Variants in SLC15A4 observed in about 807,000 individuals in gnomAD.
The protein encoded by SLC15A4 is solute carrier family 15 member 4, also known as hPHT1.
SLC15A4 carries 26 observed loss-of-function variants against 46.1 expected under a neutral mutation model. The ratio of observed to expected loss-of-function variants is 0.56; its 90% CI spans 0.41 to 0.78. The LOEUF (loss-of-function observed/expected upper bound fraction) is 0.78, where lower values mean the gene tolerates loss of function less well. SLC15A4 is among the 30% of genes least tolerant of loss of function. The probability of loss-of-function intolerance (pLI) is 0.00; values close to 1 mark genes in which losing one functional copy is unlikely to be tolerated. For missense variants in SLC15A4, 751 were observed against 755.7 expected, an observed-to-expected ratio of 0.99 and a Z score of 0.07; for synonymous variants, 370 against 333.4, an observed-to-expected ratio of 1.11 and a Z score of -1.20.
intron 1 of SLC15A4, 68 bp downstream of exon 1, chr12:128,823,330 A>G (rs1955876888): frequency 3.1e-6 from 4 of 1,299,502 alleles, no homozygotes; most frequent in Non-Finnish European, 3.9e-6. Context: ...GGACTGGGGC[A>G]GGGGAAGAGG....
intron 4 of SLC15A4, 134 bp downstream of exon 4, chr12:128,809,262 A>T (rs1277253311): frequency 3.0e-6 from 2 of 657,074 alleles, no homozygotes; most frequent in Non-Finnish European, 5.1e-6. Context: ...AAAATAAGTA[A>T]AAACTCTATT....
At chr12:128,815,760 A>C (rs1233436649) in intron 1 of SLC15A4, 1 of 152,532 alleles carries the variant, frequency 6.6e-6, no homozygotes, top group Non-Finnish European at 1.5e-5. Flanking sequence ...TCTGGGGCCC[A>C]GGCCCAGGAA....
At chr12:128,816,714 C>T (rs1214321795) in intron 1 of SLC15A4, among the ~76,000 whole-genome samples, 1 of 152,076 alleles carries the variant, frequency 6.6e-6, no homozygotes, top group Non-Finnish European at 1.5e-5. Context: ...CGCCTACAGT[C>T]CCAGCTACCT....
chr12:128,819,103 TCTATACATAAAAAATA>T (rs1955799221), intron 1 of SLC15A4, among the ~76,000 whole-genome samples: 1 of 152,200 alleles, frequency 6.6e-6, no homozygotes, highest in Non-Finnish European at 1.5e-5. Context: ...AGCACTTTTT[TCTATACATAAAAAATA>T]CTGGCCGAGC....
chr12:128,797,315 G>A (rs904388904), intron 7 of SLC15A4, among the ~76,000 whole-genome samples: 1 of 152,112 alleles, frequency 6.6e-6, no homozygotes, highest in Non-Finnish European at 1.5e-5. Context: ...AGTGAAAGGA[G>A]ACAGCCACAG....
intron 2 of SLC15A4, among the ~76,000 whole-genome samples, chr12:128,811,114 C>G (rs1194996112): frequency 2.0e-5 from 3 of 152,216 alleles, no homozygotes; most frequent in Non-Finnish European, 4.4e-5. Context: ...CGCACTCTCT[C>G]CCAGCTCCAA....
Position 128,803,092 on chromosome 12 carries a change from T to A in SLC15A4, c.1259-2083A>T, listed in dbSNP as rs189848361. On this transcript the variant is annotated intron_variant, in intron 5 of 7. Transcript: ENST00000266771. The stretch of plus-strand genomic sequence containing the variant: ...GCACCCAGTAAAAACAAGCATGGGA[T>A]GCGACGCTGGATAATCAACACAGCA... 4.1e-3 allele frequency among the ~76,000 whole-genome samples: 611 copies of A among 148,906 alleles called. 9 individuals are homozygous for A. Among genetic ancestry groups the A allele is most frequent in the African/African-American group, 0.015 (598 of 40,818 alleles).
chr12:128,800,362 TTCTC>T (rs1050501393), intron 6 of SLC15A4, among the ~76,000 whole-genome samples: 1 of 152,196 alleles, frequency 6.6e-6, no homozygotes, highest in African/African-American at 2.4e-5. Flanking sequence ...TCATCTTCTC[TTCTC>T]TCTCACTCTC....
chr12:128,806,061 C>T (rs560015747), intron 5 of SLC15A4, among the ~76,000 whole-genome samples: 3 of 145,920 alleles, frequency 2.1e-5, no homozygotes, highest in Non-Finnish European at 4.5e-5. Flanking sequence ...CCCAGCTACT[C>T]GGAGAGGCTG....
Position 128,823,828 on chromosome 12 carries a change from GC to G in SLC15A4, c.115del (p.Ala39ProfsTer4). On this transcript the variant is annotated frameshift_variant, in exon 1 of 8. Coordinates refer to ENST00000266771, the MANE Select transcript of SLC15A4 (RefSeq NM_145648.4). LOFTEE classifies it high-confidence loss of function. Reference protein sequence around the residue: ...AFAGRRAACGAVLLTELLERA... With the variant: ...AFAGRRAACGXVLLTELLERA... The stretch of plus-strand genomic sequence containing the variant: ...CTCCAGCAGCTCCGTCAGCAGCACG[GC>G]CCCGCACGCCGCGCGCCGGCCCGCG... 7.3e-7 allele frequency: 1 copy of G among 1,366,324 alleles called. No individual in the cohort carries two copies. The highest frequency in any genetic ancestry group is 9.5e-7 in the Non-Finnish European group (1 of 1,048,736). 84.6% of individuals were successfully genotyped at this position (1,366,324 alleles called of 1,614,324 possible). A position where few individuals can be genotyped will look rare whatever the true frequency, so the allele number is the denominator to read the frequency against.
Position 128,823,907 on chromosome 12 carries a change from G to GCGCCCGCT in SLC15A4, c.29_36dup (p.Pro13SerfsTer33). On this transcript the variant is annotated frameshift_variant, in exon 1 of 8. Coordinates refer to ENST00000266771, the MANE Select transcript of SLC15A4 (RefSeq NM_145648.4). LOFTEE classifies it high-confidence loss of function. The stretch of plus-strand genomic sequence containing the variant: ...GCCGCCCGCCGCGCGCCCAGCAGCG[G>GCGCCCGCT]CGCCCGCTCGCCCGCACCGCCCCCA... 1 of 854,132 alleles carries GCGCCCGCT rather than the reference G, an allele frequency of 1.2e-6. No individual in the cohort carries two copies. Among genetic ancestry groups the GCGCCCGCT allele is most frequent in the Non-Finnish European group, 1.4e-6 (1 of 712,450 alleles). The allele number at this position is 854,132 out of a possible 1,614,324, so 52.9% of individuals were successfully genotyped here. A position where few individuals can be genotyped will look rare whatever the true frequency, so the allele number is the denominator to read the frequency against.
At chr12:128,807,048 G>A (rs887599605) in intron 5 of SLC15A4, among the ~76,000 whole-genome samples, 8 of 151,926 alleles carry the variant, frequency 5.3e-5, no homozygotes, top group Non-Finnish European at 7.4e-5. Context: ...GACTACAGGC[G>A]CCCGCCACCA....
chr12:128,820,511 C>T (rs761805627), intron 1 of SLC15A4, among the ~76,000 whole-genome samples: 3 of 152,218 alleles, frequency 2.0e-5, no homozygotes, highest in Admixed American at 1.3e-4. Flanking sequence ...TAGCCTTACA[C>T]AGGCAGAGTG....
Position 128,812,352 on chromosome 12 carries a change from C to T in SLC15A4, c.843-2241G>A, listed in dbSNP as rs149560149. On this transcript the variant is annotated intron_variant, in intron 2 of 7. Transcript: ENST00000266771. ...TTTTTTCGTTTTTGAGACGGAGTCT[C>T]GCTACCTTCCAGGCTGGAGTGCAGT... is the stretch of plus-strand genomic sequence containing the variant. Among the ~76,000 whole-genome samples the T allele has an allele frequency of 6.6e-5, 10 of 152,068 alleles. No individual in the cohort carries two copies. The East Asian group carries it at 1.5e-3, about 24-fold the overall frequency.
In SLC15A4 at chr12:128,823,434, G is replaced by A; in HGVS notation, c.510C>T (p.Thr170=). 2.1e-6 allele frequency: 3 copies of A among 1,460,906 alleles called. No individual in the cohort carries two copies. The highest frequency in any genetic ancestry group is 1.8e-6 in the Non-Finnish European group (2 of 1,114,122). 90.5% of individuals were successfully genotyped at this position (1,460,906 alleles called of 1,614,324 possible). Residue 170 remains threonine, a synonymous_variant, in exon 1 of 8, where the codon ACC becomes ACT. Coordinates refer to ENST00000266771, the MANE Select transcript of SLC15A4 (RefSeq NM_145648.4). ...GLVLVGLGVA[T]VKANITPFGA... ...CGAAGGGCGTGATGTTGGCCTTGAC[G>A]GTGGCCACGCCCAGGCCCACCAGCA... is the stretch of plus-strand genomic sequence containing the variant.
chr12:128,808,716 G>C (rs1198849428), intron 5 of SLC15A4, 72 bp downstream of exon 5: 10 of 1,516,780 alleles, frequency 6.6e-6, no homozygotes, highest in Non-Finnish European at 9.0e-6. Flanking sequence ...ACGACTGCGT[G>C]TGAGCACTAT....
chr12:128,821,493 G>T (rs1486999203), intron 1 of SLC15A4, among the ~76,000 whole-genome samples: 1 of 152,226 alleles, frequency 6.6e-6, no homozygotes, highest in Non-Finnish European at 1.5e-5. Context: ...TGCAGAAACA[G>T]GTGGGGCTAT....
chr12:128,814,914 G>C lies in SLC15A4; in HGVS notation c.703C>G (p.Leu235Val). ...CCACAGAGGAAGACCACAAAAGCAA[G>C]GCCGACGCAGACAGTGGGGATCGCA... ...GYAIPTVCVGLAFVVFLCGQS... is the reference protein window; with the variant it reads ...GYAIPTVCVGVAFVVFLCGQS... Residue 235 changes from leucine to valine, a missense_variant, in exon 2 of 8, where the codon CTT becomes GTT. Physicochemically the swap from Leu to Val is conservative, Grantham distance 32. Transcript: ENST00000266771. 6.2e-7 allele frequency: 1 copy of C among 1,614,170 alleles called. No individual in the cohort carries two copies. Among genetic ancestry groups the C allele is most frequent in the Non-Finnish European group, 8.5e-7 (1 of 1,180,036 alleles).
At chr12:128,796,085 CAT>C (rs1381667623) in intron 7 of SLC15A4, among the ~76,000 whole-genome samples, 2 of 152,168 alleles carry the variant, frequency 1.3e-5, no homozygotes, top group Non-Finnish European at 2.9e-5. Context: ...TCTATCTGAA[CAT>C]ATACTGCATG....
Sources: gnomAD v4.1 joint callset for allele counts (sites outside exome capture counted in the v4.1 genomes callset) on GRCh38, gnomAD v4.1.1 for gene constraint, MANE v1.5 for transcripts, NCBI Gene and HGNC (gene_info 2026-07-23, HGNC 2026-07-21) for gene names.